The following GAS2 variants were observed in gnomAD, a reference collection of about 807,000 sequenced individuals.
The protein encoded by GAS2 is growth arrest specific 2.
In GAS2, 20 loss-of-function variants were observed where a neutral mutation model predicts 37.5. The ratio of observed to expected loss-of-function variants is 0.53; its 90% confidence interval spans 0.37 to 0.77. The LOEUF (loss-of-function observed/expected upper bound fraction) is 0.77. GAS2 is among the 30% of genes least tolerant of loss of function. The pLI is 0.00. For synonymous variants in GAS2, 144 were observed against 132.2 expected (o/e 1.09, Z -0.61); for missense variants, 336 against 373.4 (o/e 0.90, Z 0.82).
intron 1 of GAS2, among the ~76,000 whole-genome samples, chr11:22,637,923 A>G (rs979601241): frequency 6.6e-6 from 1 of 151,738 alleles, no homozygotes; most frequent in Non-Finnish European, 1.5e-5. Flanking sequence ...GACCTTAAAC[A>G]AAACCTGTTT....
intron 3 of GAS2, among the ~76,000 whole-genome samples, chr11:22,710,017 TA>T: frequency 3.0e-5 from 2 of 66,064 alleles, no homozygotes. Flanking sequence ...TGTTGTGGGG[TA>T]GGGGGAGGGG....
At chr11:22,749,390 T>G in intron 6 of GAS2, 129 bp downstream of exon 6, 1 of 811,352 alleles carries the variant, frequency 1.2e-6, no homozygotes. Context: ...TTTAAGCCCA[T>G]ATGAAAAACT....
intron 1 of GAS2, among the ~76,000 whole-genome samples, chr11:22,635,991 T>C (rs1345301188): frequency 6.6e-6 from 1 of 152,046 alleles, no homozygotes; most frequent in Non-Finnish European, 1.5e-5. Flanking sequence ...GCCTGGCTTA[T>C]GGATATACCA....
chr11:22,661,830 TC>T (rs1257837272), upstream of GAS2, among the ~76,000 whole-genome samples: 1 of 152,196 alleles, frequency 6.6e-6, no homozygotes, highest in Non-Finnish European at 1.5e-5. Flanking sequence ...TTATTGATTT[TC>T]CCCTTAGTTT....
chr11:22,755,995 T>G (rs774683899), intron 7 of GAS2, 42 bp downstream of exon 7: 1 of 1,397,308 alleles, frequency 7.2e-7, no homozygotes, highest in African/African-American at 1.4e-5. Flanking sequence ...TATGGGAAGA[T>G]TCAGAATTTG....
intron 3 of GAS2, among the ~76,000 whole-genome samples, chr11:22,720,413 T>A (rs943694081): frequency 2.0e-5 from 3 of 152,034 alleles, no homozygotes; most frequent in African/African-American, 7.2e-5. Context: ...TTTCCCTTTT[T>A]AAACATTTCT....
chr11:22,646,017 A>G (rs1010073466), intron 1 of GAS2, among the ~76,000 whole-genome samples: 43 of 151,408 alleles, frequency 2.8e-4, no homozygotes, highest in Admixed American at 1.5e-3. Flanking sequence ...CTAATTTTGT[A>G]TTTTTAGTAG....
intron 4 of GAS2, among the ~76,000 whole-genome samples, chr11:22,727,891 A>G (rs1852290955): frequency 6.6e-6 from 1 of 152,030 alleles, no homozygotes; most frequent in Admixed American, 6.6e-5. Context: ...TTATTTGCAC[A>G]AACAATTAAA....
At chr11:22,669,544 C>G (rs1285359779) in intron 1 of GAS2, among the ~76,000 whole-genome samples, 1 of 152,034 alleles carries the variant, frequency 6.6e-6, no homozygotes, top group Admixed American at 6.6e-5. Context: ...AGAAAGAGAT[C>G]TCTAAAAGAG....
chr11:22,626,457 A>G (rs1858654371), intron 1 of GAS2: 1 of 154,428 alleles, frequency 6.5e-6, no homozygotes, highest in African/African-American at 2.4e-5. Flanking sequence ...CGTAATTTTT[A>G]GGACAAAATA....
At chr11:22,727,264 A>G (rs540529218) in intron 4 of GAS2, among the ~76,000 whole-genome samples, 7 of 152,184 alleles carry the variant, frequency 4.6e-5, no homozygotes, top group Non-Finnish European at 7.4e-5. Flanking sequence ...GGAGACATCT[A>G]GAGAAAAAAA....
intron 1 of GAS2, among the ~76,000 whole-genome samples, chr11:22,630,532 A>G (rs1858729269): frequency 6.6e-6 from 1 of 152,216 alleles, no homozygotes; most frequent in African/African-American, 2.4e-5. Context: ...GAAGGGGAGA[A>G]AATTTTTGCA....
At chr11:22,661,751 A>G (rs892485864), upstream of GAS2, among the ~76,000 whole-genome samples, 4 of 152,194 alleles carry the variant, frequency 2.6e-5, no homozygotes, top group African/African-American at 9.7e-5. Context: ...TACCAATAAC[A>G]ATATATAAAC....
rs180703165 is a variant in GAS2 at position 22,758,684 on chromosome 11, C to A, written c.723+2731C>A. The stretch of plus-strand genomic sequence containing the variant: ...ATCCCAGCACTTTGGGAGGCCGAGG[C>A]GGGCAGATCACCTGAGGTTGGGAGT... On this transcript the variant is annotated intron_variant, in intron 7 of 7. Transcript: ENST00000454584. Among the ~76,000 whole-genome samples the A allele has an allele frequency of 2.6e-5, 4 of 152,092 alleles. No homozygotes were observed. The South Asian group carries it at 8.3e-4, about 32-fold the overall frequency.
chr11:22,660,767 T>G (rs181597117), intron 1 of GAS2, among the ~76,000 whole-genome samples: 10 of 152,316 alleles, frequency 6.6e-5, no homozygotes, highest in African/African-American at 2.4e-4. Flanking sequence ...AAGTGACTAC[T>G]GTGATCATAG....
intron 3 of GAS2, among the ~76,000 whole-genome samples, chr11:22,689,416 C>T (rs1331653848): frequency 3.3e-5 from 5 of 152,190 alleles, no homozygotes; most frequent in African/African-American, 7.2e-5. Context: ...TATATATTCA[C>T]GACTGACTGC....
intron 3 of GAS2, among the ~76,000 whole-genome samples, chr11:22,717,247 A>G (rs992016032): frequency 2.0e-5 from 3 of 152,178 alleles, no homozygotes; most frequent in Non-Finnish European, 4.4e-5. Context: ...GATTTCAAAT[A>G]TTCTGTAAGG....
chr11:22,733,801 C>A (rs1388104327), intron 4 of GAS2, among the ~76,000 whole-genome samples: 1 of 151,450 alleles, frequency 6.6e-6, no homozygotes, highest in African/African-American at 2.4e-5. Flanking sequence ...AAAAAGAAGC[C>A]GCCAATGATA....
intron 3 of GAS2, among the ~76,000 whole-genome samples, chr11:22,725,328 A>G (rs989958243): frequency 1.3e-5 from 2 of 152,118 alleles, no homozygotes; most frequent in African/African-American, 4.8e-5. Context: ...TAAACCATGC[A>G]TTTCAAGGTC....
Sources: gnomAD v4.1 joint callset for allele counts (sites outside exome capture counted in the v4.1 genomes callset) on GRCh38, gnomAD v4.1.1 for gene constraint, MANE v1.5 for transcripts, NCBI Gene and HGNC (gene_info 2026-07-23, HGNC 2026-07-21) for gene names.